Variants in CSMD1 observed in about 807,000 individuals in gnomAD.
The protein encoded by CSMD1 is CUB and sushi domain-containing protein 1.
A neutral mutation model predicts 417.5 loss-of-function variants in CSMD1; 213 were observed. That is an observed-to-expected ratio of 0.51 (90% CI 0.46 to 0.57). The LOEUF is 0.57. Ranked by LOEUF, CSMD1 falls within the 20% of genes least tolerant of loss-of-function variation. CSMD1 has a pLI of 0.00. For synonymous variants in CSMD1, 2,862 were observed against 1,736.8 expected (o/e 1.65, Z -16.11); for missense variants, 6,923 against 4,529.7 (o/e 1.53, Z -15.17).
intron 2 of CSMD1, among the ~76,000 whole-genome samples, chr8:4,430,198 A>T (rs1252181580): frequency 6.6e-6 from 1 of 152,188 alleles, no homozygotes. Context: ...GTGCCCCTTT[A>T]TCTCAGGAGT....
chr8:3,468,569 C>G, intron 12 of CSMD1, 143 bp downstream of exon 12: 1 of 587,074 alleles, frequency 1.7e-6, no homozygotes, highest in Admixed American at 3.1e-5. Context: ...TGTTAGTAGA[C>G]TTTAAGGAAG....
intron 5 of CSMD1, among the ~76,000 whole-genome samples, chr8:3,818,997 C>G (rs925831556): frequency 1.3e-5 from 2 of 152,142 alleles, no homozygotes. Context: ...AAGCTGACAT[C>G]AATGATTTAT....
At chr8:3,439,651 G>C (rs1814841093) in intron 12 of CSMD1, among the ~76,000 whole-genome samples, 1 of 151,918 alleles carries the variant, frequency 6.6e-6, no homozygotes, top group East Asian at 1.9e-4. Flanking sequence ...TTTTCATTTT[G>C]ATAAGGTAAT....
intron 7 of CSMD1, among the ~76,000 whole-genome samples, chr8:3,674,033 G>C (rs1030990597): frequency 5.3e-5 from 8 of 152,164 alleles, no homozygotes; most frequent in Non-Finnish European, 1.2e-4. Flanking sequence ...TTGAGCCTGG[G>C]AGGCAGAGGT....
chr8:2,965,681 A>G (rs1408420326), intron 59 of CSMD1, 94 bp downstream of exon 59: 1 of 1,076,112 alleles, frequency 9.3e-7, no homozygotes, highest in East Asian at 2.6e-5. Flanking sequence ...TAGCCCCTAG[A>G]AGGGCTACAT....
rs1020266268 is a variant in CSMD1 at position 4,052,215 on chromosome 8, G to C, written c.416-20116C>G. ...GCTGGGGTTACAGGCATGAGCCACC[G>C]TGCCCACCCAGTACTGCAGGATTTC... On this transcript the variant is annotated intron_variant, in intron 3 of 69. Transcript: ENST00000635120. Among the ~76,000 whole-genome samples the C allele has an allele frequency of 2.6e-5, 4 of 152,202 alleles. No individual in the cohort carries two copies. In the South Asian group the frequency reaches 8.3e-4, roughly 32 times the overall value.
chr8:4,227,855 G>GGA (rs1801453626), intron 3 of CSMD1, among the ~76,000 whole-genome samples: 1 of 150,380 alleles, frequency 6.6e-6, no homozygotes, highest in African/African-American at 2.5e-5. Context: ...CCCCACACCA[G>GGA]GAGACACAGC....
chr8:3,969,935 T>A (rs1233943290), intron 5 of CSMD1, among the ~76,000 whole-genome samples: 1 of 152,200 alleles, frequency 6.6e-6, no homozygotes, highest in Non-Finnish European at 1.5e-5. Flanking sequence ...CTCATTTTAT[T>A]TAAACAACCT....
At chr8:3,678,473 G>A (rs1001157320) in intron 7 of CSMD1, among the ~76,000 whole-genome samples, 3 of 152,112 alleles carry the variant, frequency 2.0e-5, no homozygotes, top group East Asian at 1.9e-4. Context: ...GAAGTAAGAA[G>A]AGAAGTTTAG....
chr8:3,413,157 T>C (rs575847431), intron 12 of CSMD1, among the ~76,000 whole-genome samples: 86 of 152,356 alleles, frequency 5.6e-4, no homozygotes, highest in African/African-American at 1.9e-3. Flanking sequence ...GCACTGGAAA[T>C]ACAATTATTA....
At chr8:3,520,184 C>G (rs1563116280) in intron 10 of CSMD1, among the ~76,000 whole-genome samples, 1 of 151,804 alleles carries the variant, frequency 6.6e-6, no homozygotes, top group Non-Finnish European at 1.5e-5. Context: ...GAGAATTTCA[C>G]TTAAATTATA....
chr8:3,721,663 C>G (rs968985168), intron 6 of CSMD1, among the ~76,000 whole-genome samples: 1 of 152,114 alleles, frequency 6.6e-6, no homozygotes, highest in Admixed American at 6.5e-5. Flanking sequence ...TTTTCCTCCT[C>G]ATGGTTTTGG....
At chr8:4,025,061 C>A (rs1468728122) in intron 4 of CSMD1, among the ~76,000 whole-genome samples, 4 of 152,120 alleles carry the variant, frequency 2.6e-5, no homozygotes, top group African/African-American at 9.7e-5. Context: ...CAGACTAATA[C>A]TCACAAAAAT....
chr8:3,622,017 G>GTT (rs1554491013), intron 7 of CSMD1, among the ~76,000 whole-genome samples: 1 of 151,100 alleles, frequency 6.6e-6, no homozygotes, highest in Non-Finnish European at 1.5e-5. Flanking sequence ...GTGTGTGTGT[G>GTT]TTTGAATAGG....
At chr8:3,067,109 T>A (rs531291655) in intron 49 of CSMD1, among the ~76,000 whole-genome samples, 1 of 152,058 alleles carries the variant, frequency 6.6e-6, no homozygotes, top group Admixed American at 6.6e-5. Context: ...GTCAATACAA[T>A]CAGTCTACGG....
intron 12 of CSMD1, among the ~76,000 whole-genome samples, chr8:3,450,146 G>C (rs570493325): frequency 6.6e-6 from 1 of 152,094 alleles, no homozygotes; most frequent in South Asian, 2.1e-4. Context: ...CTTCGATGAC[G>C]AACGTTGACT....
intron 3 of CSMD1, among the ~76,000 whole-genome samples, chr8:4,389,772 T>C (rs1478677199): frequency 1.3e-5 from 2 of 152,182 alleles, no homozygotes; most frequent in Non-Finnish European, 2.9e-5. Flanking sequence ...TTCTTTATTT[T>C]TGAAACCTAT....
intron 5 of CSMD1, among the ~76,000 whole-genome samples, chr8:3,968,861 C>T (rs918101551): frequency 6.6e-6 from 1 of 152,208 alleles, no homozygotes; most frequent in East Asian, 1.9e-4. Context: ...TTCGATCACA[C>T]ATCATCTTTT....
At chr8:4,422,413 A>C (rs1161268288) in intron 2 of CSMD1, among the ~76,000 whole-genome samples, 1 of 152,160 alleles carries the variant, frequency 6.6e-6, no homozygotes, top group African/African-American at 2.4e-5. Context: ...AATTATAGTT[A>C]AATGATGTCA....
Sources: gnomAD v4.1 joint callset for allele counts (sites outside exome capture counted in the v4.1 genomes callset) on GRCh38, gnomAD v4.1.1 for gene constraint, MANE v1.5 for transcripts, NCBI Gene and HGNC (gene_info 2026-07-23, HGNC 2026-07-21) for gene names.